The following GGA1 variants were observed in gnomAD, a reference collection of about 807,000 sequenced individuals.
The protein encoded by GGA1 is golgi associated, gamma adaptin ear containing, ARF binding protein 1.
GGA1 carries 18 observed loss-of-function variants against 76.9 expected under a neutral mutation model. The observed-to-expected ratio is 0.23, with a 90% confidence interval of 0.16 to 0.35. The LOEUF is 0.35. Among genes scored for constraint, GGA1 ranks in the 10% least tolerant of loss-of-function variants. The pLI is 1.00. For missense variants in GGA1, 755 were observed against 859.0 expected, an observed-to-expected ratio of 0.88 and a Z score of 1.51; for synonymous variants, 342 against 354.7, an observed-to-expected ratio of 0.96 and a Z score of 0.40.
Position 37,625,160 on chromosome 22 carries a change from G to A in GGA1, c.940+84G>A. On this transcript the variant is annotated intron_variant, in intron 10 of 16. Transcript: ENST00000343632. This position sits in a 1 kb window ranked among gnomAD's most constrained non-coding sequence, Gnocchi z 4.1. The stretch of plus-strand genomic sequence containing the variant: ...TGCAGGGTGGTGTGCTGGTCTCAGA[G>A]CGGCTGGAATGACTGCCAGGGTGAC... The A allele has an allele frequency of 1.6e-6, 2 of 1,273,956 alleles. No homozygotes were observed. The highest frequency in any genetic ancestry group is 1.3e-5 in the South Asian group (1 of 77,240). The allele number at this position is 1,273,956 out of a possible 1,614,324, so 78.9% of individuals were successfully genotyped here.
rs1000281879 is a variant in GGA1 at position 37,608,866 on chromosome 22, G to A, written c.6G>A (p.Glu2=). Residue 2 remains glutamate (E), a synonymous_variant, in exon 1 of 17, where the codon GAG becomes GAA. Transcript: ENST00000343632. ...AGGCTGGGGGCCGGTGGCGGATGGA[G>A]CCCGCGATGGAGCCGGAGACTCTGG... M[E]PAMEPETLEA... is the part of the protein sequence containing the mutation. 7.7e-7 allele frequency: 1 copy of A among 1,306,322 alleles called. No individual in the cohort carries two copies. The highest frequency in any genetic ancestry group is 9.7e-7 in the Non-Finnish European group (1 of 1,028,292). The allele number at this position is 1,306,322 out of a possible 1,614,324, so 80.9% of individuals were successfully genotyped here.
rs780068368 is a variant in GGA1, at chr22:37,629,473, C to T, written c.1105C>T (p.Pro369Ser). 7 of 1,591,940 alleles carry T rather than the reference C, an allele frequency of 4.4e-6. No individual in the cohort carries two copies. Among genetic ancestry groups the T allele is most frequent in the South Asian group, 1.1e-5 (1 of 87,742 alleles). Residue 369 changes from proline to serine, a missense_variant, in exon 12 of 17, where the codon CCC (proline) becomes TCC (serine). Coordinates refer to ENST00000343632, the MANE Select transcript of GGA1 (RefSeq NM_013365.5). Reference sequence around the variant, plus strand: ...TGCTTTCCCCTCAGGCCTCAGTGACCCCACACCCCCTTCAGGCCCAAGCCT... The same window carrying T: ...TGCTTTCCCCTCAGGCCTCAGTGACTCCACACCCCCTTCAGGCCCAAGCCT... ...DELMSLGLSD[P>S]TPPSGPSLDG...
Position 37,631,046 on chromosome 22 carries a change from C to T in GGA1, c.1475C>T (p.Pro492Leu). ...EPPRPPQQPV[P>L]TELSLASITV... ...CCCAGGCCTCCGCAGCAGCCCGTAC[C>T]AACCGAGCTCTCACTGGCCAGCATC... The change falls in exon 14 of 17, where the codon CCA becomes CTA. Residue 492 changes from proline (P) to leucine (L), a missense_variant. Physicochemically the swap from Pro to Leu is moderately conservative, Grantham distance 98. Coordinates refer to ENST00000343632, the MANE Select transcript of GGA1 (RefSeq NM_013365.5). 2 of 1,610,008 alleles carry T rather than the reference C, an allele frequency of 1.2e-6. No individual in the cohort carries two copies. The highest frequency in any genetic ancestry group is 1.7e-6 in the Non-Finnish European group (2 of 1,178,652).
intron 4 of GGA1, among the ~76,000 whole-genome samples, chr22:37,619,119 G>C (rs907142770): frequency 2.6e-5 from 4 of 152,198 alleles, no homozygotes; most frequent in African/African-American, 9.7e-5. Flanking sequence ...AGGCTGGAGT[G>C]CAATGGCATG....
intron 5 of GGA1, 32 bp downstream of exon 5, chr22:37,620,393 G>A: frequency 1.9e-6 from 3 of 1,612,348 alleles, no homozygotes; most frequent in Non-Finnish European, 2.5e-6. Flanking sequence ...GGGCGACCAG[G>A]GCCTGCCTTC....
At chr22:37,622,324 G>A (rs1436592938) in intron 7 of GGA1, among the ~76,000 whole-genome samples, 1 of 150,858 alleles carries the variant, frequency 6.6e-6, no homozygotes, top group African/African-American at 2.4e-5. Context: ...CAAGCAATCT[G>A]CCTGCCTCGG....
In GGA1 at chr22:37,614,212, C is replaced by A. The variant is rs772416767; in HGVS notation, c.66C>A (p.Asn22Lys). The A allele has an allele frequency of 1.2e-6, 2 of 1,613,684 alleles. No homozygotes were observed. The highest frequency in any genetic ancestry group is 1.7e-6 in the Non-Finnish European group (2 of 1,179,724). The change falls in exon 2 of 17, where the codon AAC becomes AAA. Residue 22 changes from asparagine (N) to lysine (K), a missense_variant. Coordinates refer to ENST00000343632, the MANE Select transcript of GGA1 (RefSeq NM_013365.5). ...ARINRATNPL[N>K]KELDWASING... ...CAGATAGAGCCACGAACCCCCTGAACAAGGAGCTCGACTGGGCCAGCATCA... is the reference window on the plus strand; with the variant it reads ...CAGATAGAGCCACGAACCCCCTGAAAAAGGAGCTCGACTGGGCCAGCATCA...
rs530201995 is a variant in GGA1 at position 37,621,599 on chromosome 22, C to T, written c.529-17C>T. On this transcript the variant is annotated splice_polypyrimidine_tract_variant and intron_variant, in intron 6 of 16. Coordinates refer to ENST00000343632, the MANE Select transcript of GGA1 (RefSeq NM_013365.5). ...CCCAGGTGCTGCCCTCACGGTCACA[C>T]CCCTCTGTCTCTGCAGATGCTGGCC... 2.0e-6 allele frequency: 3 copies of T among 1,537,328 alleles called. No homozygotes were observed. The highest frequency in any genetic ancestry group is 1.4e-5 in the African/African-American group (1 of 72,932).
chr22:37,613,834 T>C (rs756802437), intron 1 of GGA1: 5 of 207,518 alleles, frequency 2.4e-5, no homozygotes, highest in African/African-American at 4.6e-5. Flanking sequence ...TACTTCTGGA[T>C]CTCCTCTGAG....
chr22:37,609,438 C>T (rs2145855633), intron 1 of GGA1: 2 of 556,922 alleles, frequency 3.6e-6, no homozygotes, highest in South Asian at 3.3e-5. Flanking sequence ...CGCTCCTAGT[C>T]TCTAGCCACA....
chr22:37,617,191 A>G (rs1353802835), intron 3 of GGA1, 194 bp downstream of exon 3: 56 of 1,448,110 alleles, frequency 3.9e-5, no homozygotes, highest in Non-Finnish European at 4.6e-5. Context: ...CCCAGCATCC[A>G]TACACGTAGG....
intron 1 of GGA1, among the ~76,000 whole-genome samples, chr22:37,613,729 T>C (rs1928201950): frequency 6.6e-6 from 1 of 152,076 alleles, no homozygotes; most frequent in South Asian, 2.1e-4. Context: ...CTCCTTGGCT[T>C]CCCTCTGTCA....
Position 37,632,780 on chromosome 22 carries a change from T to C in GGA1, c.*69T>C. 1 of 944,182 alleles carries C rather than the reference T, an allele frequency of 1.1e-6. No individual in the cohort carries two copies. Among genetic ancestry groups the C allele is most frequent in the Non-Finnish European group, 1.7e-6 (1 of 594,416 alleles). The allele number at this position is 944,182 out of a possible 1,614,324, so 58.5% of individuals were successfully genotyped here. ...TGTCCAGCCTGGAGGGAGGCATTGG[T>C]GGCCAAGGACACCCTTTGTTGCCCA... On this transcript the variant is annotated 3_prime_UTR_variant, in exon 17 of 17. Transcript: ENST00000343632. The surrounding 1 kb of genome is among the most constrained non-coding windows in gnomAD (Gnocchi z 5.1).
chr22:37,621,648 C>G lies in GGA1; in HGVS notation c.561C>G (p.Pro187=), dbSNP rs569212065. Residue 187 remains proline (P), a synonymous_variant, in exon 7 of 17, where the codon CCC becomes CCG. Coordinates refer to ENST00000343632, the MANE Select transcript of GGA1 (RefSeq NM_013365.5). ...CCCGCCTGCTGAAGAGCTCCCATCCCGAAGACCTCCGCGCAGCCAATAAGC... is the reference window on the plus strand; with the variant it reads ...CCCGCCTGCTGAAGAGCTCCCATCCGGAAGACCTCCGCGCAGCCAATAAGC... The part of the protein sequence containing the change: ...MLARLLKSSH[P]EDLRAANKLI... 1.9e-6 allele frequency: 3 copies of G among 1,554,218 alleles called. No individual in the cohort carries two copies. Among genetic ancestry groups the G allele is most frequent in the Non-Finnish European group, 2.6e-6 (3 of 1,148,368 alleles).
At chr22:37,619,917 G>A (rs1929569736) in intron 4 of GGA1, 1 of 698,972 alleles carries the variant, frequency 1.4e-6, no homozygotes, top group Admixed American at 2.2e-5. Context: ...GAGACCTCTG[G>A]CTCCTCTTTC....
Position 37,623,502 on chromosome 22 carries a change from C to G in GGA1, c.750+35C>G, listed in dbSNP as rs1930256642. The G allele has an allele frequency of 6.2e-7, 1 of 1,613,138 alleles. No homozygotes were observed. The highest frequency in any genetic ancestry group is 1.3e-5 in the African/African-American group (1 of 74,916). The stretch of plus-strand genomic sequence containing the variant: ...CCTCCCTGCCTACCCCACTCCCTGC[C>G]CACTCCACAGCCCACGCGGACCCTG... On this transcript the variant is annotated intron_variant, in intron 8 of 16. Coordinates refer to ENST00000343632, the MANE Select transcript of GGA1 (RefSeq NM_013365.5). This position sits in a 1 kb window ranked among gnomAD's most constrained non-coding sequence, Gnocchi z 4.6.
Position 37,632,906 on chromosome 22 carries a change from C to G in GGA1, c.*195C>G. ...CGGCCCCGCCCCTGCTGAGCCAAAC[C>G]CAGTAGGAGGCTGGGCCTGGGTTTG... On this transcript the variant is annotated 3_prime_UTR_variant, in exon 17 of 17. Transcript: ENST00000343632. The surrounding 1 kb of genome is among the most constrained non-coding windows in gnomAD (Gnocchi z 5.1). The G allele has an allele frequency of 1.7e-6, 1 of 581,432 alleles. No homozygotes were observed. The highest frequency in any genetic ancestry group is 3.1e-6 in the Non-Finnish European group (1 of 324,142). The allele number at this position is 581,432 out of a possible 1,614,324, so 36.0% of individuals were successfully genotyped here.
At position 37,625,022 on chromosome 22, in the gene GGA1, C is replaced by T; in HGVS notation, c.886C>T (p.Gln296Ter). Residue 296 changes from glutamine to a stop codon, truncating the protein, a stop_gained, in exon 10 of 17, where the codon CAG becomes TAG. Transcript: ENST00000343632. LOFTEE classifies it high-confidence loss of function. The surrounding 1 kb of genome is among the most constrained non-coding windows in gnomAD (Gnocchi z 4.1). ...CACCCAGGTGATCAACCTGTATAAG[C>T]AGCTGGTGCGGGGTGAGGAGGTCAA... ...NLTQVINLYK[Q>*]LVRGEEVNGD... 1 of 1,602,810 alleles carries T rather than the reference C, an allele frequency of 6.2e-7. No homozygotes were observed. The highest frequency in any genetic ancestry group is 1.7e-5 in the Admixed American group (1 of 58,682).
At chr22:37,615,821 G>A (rs996057042) in intron 2 of GGA1, among the ~76,000 whole-genome samples, 3 of 151,762 alleles carry the variant, frequency 2.0e-5, no homozygotes, top group African/African-American at 7.3e-5. Flanking sequence ...CTGTCCAGTG[G>A]GGGGTTGGGA....
Sources: allele counts gnomAD v4.1 joint callset (sites outside exome capture counted in the v4.1 genomes callset), GRCh38; gene constraint gnomAD v4.1.1; non-coding constraint Gnocchi (gnomAD v3.1); transcripts MANE v1.5; gene names NCBI Gene and HGNC (gene_info 2026-07-23, HGNC 2026-07-21).